The following TANC2 variants were observed in gnomAD, a reference collection of about 807,000 sequenced individuals.
TANC2 encodes tetratricopeptide repeat, ankyrin repeat and coiled-coil containing 2.
Under a neutral mutation model 210.5 loss-of-function variants are expected in TANC2, and 26 were observed. The ratio of observed to expected loss-of-function variants is 0.12; its 90% CI spans 0.09 to 0.17. The LOEUF is 0.17. Ranked by LOEUF, TANC2 falls within the 10% of genes least tolerant of loss-of-function variation. The pLI, the probability that TANC2 is intolerant of heterozygous loss-of-function variation, is 1.00. For missense variants in TANC2, 2,129 were observed against 2,608.9 expected (o/e 0.82, Z 4.01); for synonymous variants, 931 against 967.1 (o/e 0.96, Z 0.69).
At chr17:63,342,562 G>A (rs923833517) in intron 12 of TANC2, among the ~76,000 whole-genome samples, 1 of 152,110 alleles carries the variant, frequency 6.6e-6, no homozygotes, top group African/African-American at 2.4e-5. Flanking sequence ...GGATCACGAG[G>A]TCAGGAGATC....
At chr17:63,267,228 T>C (rs2043557145) in intron 8 of TANC2, among the ~76,000 whole-genome samples, 1 of 152,198 alleles carries the variant, frequency 6.6e-6, no homozygotes, top group Non-Finnish European at 1.5e-5. Flanking sequence ...ATTTTTTCTT[T>C]CACTCAGTTT....
intron 1 of TANC2, among the ~76,000 whole-genome samples, chr17:62,984,511 T>A (rs241078): frequency 0.083 from 12,651 of 152,010 alleles, 1,010 homozygotes; most frequent in African/African-American, 0.21. Context: ...TGGGTTCGGC[T>A]TGTTCTTGCT....
At chr17:62,983,885 A>C (rs2032431709) in intron 1 of TANC2, among the ~76,000 whole-genome samples, 1 of 151,928 alleles carries the variant, frequency 6.6e-6, no homozygotes, top group South Asian at 2.1e-4. Flanking sequence ...TTTGTTGAGA[A>C]GTTTTGCTTC....
intron 4 of TANC2, among the ~76,000 whole-genome samples, chr17:63,124,772 C>T (rs952226842): frequency 6.6e-6 from 1 of 152,182 alleles, no homozygotes; most frequent in Non-Finnish European, 1.5e-5. Context: ...GCTCCGCCTC[C>T]TGTCAGATCA....
chr17:63,373,241 A>C (rs900544035), intron 14 of TANC2, among the ~76,000 whole-genome samples: 1 of 152,116 alleles, frequency 6.6e-6, no homozygotes, highest in African/African-American at 2.4e-5. Context: ...GTGCTCTGTC[A>C]TGCTTTAAAA....
intron 10 of TANC2, among the ~76,000 whole-genome samples, chr17:63,315,564 T>A (rs2045288097): frequency 6.6e-6 from 1 of 152,220 alleles, no homozygotes. Context: ...CCAGTTTACC[T>A]GGTTTCTGTT....
rs546810516 is a variant in TANC2, at chr17:63,240,130, C to T, written c.1033+2053C>T. Among the ~76,000 whole-genome samples, 6 of 152,138 alleles carry T rather than the reference C, an allele frequency of 3.9e-5. No homozygotes were observed. In the South Asian group the frequency reaches 8.3e-4, roughly 21 times the overall value. On this transcript the variant is annotated intron_variant, in intron 8 of 27. Coordinates refer to ENST00000689528, the Ensembl canonical transcript of TANC2. ...GTTCCAGGCAAGCCTGAGTCTTTTC[C>T]GAAAAGAAGCATGTAAATCCTTGCT...
intron 8 of TANC2, among the ~76,000 whole-genome samples, chr17:63,242,157 C>G (rs2042791383): frequency 6.6e-6 from 1 of 152,246 alleles, no homozygotes; most frequent in East Asian, 1.9e-4. Context: ...TCTTCTTAAA[C>G]AGACATATCT....
chr17:63,123,452 G>A (rs2038566651), intron 4 of TANC2, among the ~76,000 whole-genome samples: 1 of 151,586 alleles, frequency 6.6e-6, no homozygotes, highest in African/African-American at 2.4e-5. Context: ...CCAGCTGCTG[G>A]GGAGGCTGAG....
chr17:63,151,676 TAAA>T (rs2039657283), intron 5 of TANC2: 1 of 152,170 alleles, frequency 6.6e-6, no homozygotes, highest in South Asian at 2.1e-4. Context: ...TTGAGATACT[TAAA>T]GAAATTTTGC....
At chr17:62,975,303 C>A (rs2031937644) in intron 1 of TANC2, among the ~76,000 whole-genome samples, 1 of 152,096 alleles carries the variant, frequency 6.6e-6, no homozygotes. Context: ...TAAGGCACAG[C>A]TAGTTAGGTT....
chr17:63,314,759 C>A, intron 10 of TANC2, 90 bp downstream of exon 10: 1 of 1,485,536 alleles, frequency 6.7e-7, no homozygotes, highest in Non-Finnish European at 9.0e-7. Context: ...CTTTTATTTT[C>A]TCATCTGCAA....
chr17:63,005,896 T>G (rs1023811399), intron 1 of TANC2, among the ~76,000 whole-genome samples: 14 of 132,842 alleles, frequency 1.1e-4, no homozygotes, highest in South Asian at 2.6e-4. Flanking sequence ...GCTGTATAGT[T>G]TGTGTGTGTG....
chr17:63,058,544 T>C (rs2035886111), intron 2 of TANC2, among the ~76,000 whole-genome samples: 1 of 152,196 alleles, frequency 6.6e-6, no homozygotes, highest in South Asian at 2.1e-4. Context: ...CTAGGGTTTT[T>C]ATAGTTGCGG....
chr17:63,413,200 C>A, intron 24 of TANC2: 1 of 231,132 alleles, frequency 4.3e-6, no homozygotes, highest in Admixed American at 5.5e-5. Flanking sequence ...CTTTTCAAAT[C>A]CTGTGGTAAT....
At chr17:63,056,238 A>T (rs1198097241) in intron 2 of TANC2, among the ~76,000 whole-genome samples, 8 of 148,754 alleles carry the variant, frequency 5.4e-5, no homozygotes, top group East Asian at 2.0e-4. Context: ...TATTTTTTTT[A>T]AAAATCTGTA....
rs1453409644 is a variant in TANC2 at position 63,351,431 on chromosome 17, G to A, written c.1974+15G>A. 1 of 1,560,568 alleles carries A rather than the reference G, an allele frequency of 6.4e-7. No homozygotes were observed. The highest frequency in any genetic ancestry group is 8.6e-7 in the Non-Finnish European group (1 of 1,159,788). ...CCAGTTTACAGGTATGTGTTTGTTT[G>A]CTTTTAAACCATAAATGATTCCTCT... On this transcript the variant is annotated intron_variant, in intron 13 of 27. Transcript: ENST00000689528.
intron 19 of TANC2, among the ~76,000 whole-genome samples, chr17:63,402,501 T>A (rs1389478494): frequency 2.6e-5 from 4 of 152,204 alleles, no homozygotes; most frequent in African/African-American, 9.6e-5. Context: ...ACCCGACCCC[T>A]TGATCTTACA....
At chr17:63,118,970 A>G (rs993732292) in intron 4 of TANC2, among the ~76,000 whole-genome samples, 1 of 151,828 alleles carries the variant, frequency 6.6e-6, no homozygotes, top group Non-Finnish European at 1.5e-5. Context: ...TTTAGTAGAG[A>G]TGGGGTTTCA....
Sources: allele counts gnomAD v4.1 joint callset (sites outside exome capture counted in the v4.1 genomes callset), GRCh38; gene constraint gnomAD v4.1.1; transcripts MANE v1.5; gene names NCBI Gene and HGNC (gene_info 2026-07-23, HGNC 2026-07-21).